Variants in DLGAP2 observed in about 807,000 individuals in gnomAD.
DLGAP2 encodes DLG associated protein 2, also known as disks large-associated protein 2.
DLGAP2 carries 26 observed loss-of-function variants against 100.3 expected under a neutral mutation model. The ratio of observed to expected loss-of-function variants is 0.26; its 90% CI spans 0.19 to 0.36. The LOEUF is 0.36. DLGAP2 is among the 10% of genes least tolerant of loss of function. DLGAP2 has a pLI of 1.00. For missense variants in DLGAP2, 1,858 were observed against 1,453.2 expected (o/e 1.28, Z -4.53); for synonymous variants, 886 against 630.1 (o/e 1.41, Z -6.08).
At chr8:1,237,521 C>T (rs1798689044) in intron 2 of DLGAP2, among the ~76,000 whole-genome samples, 4 of 142,068 alleles carry the variant, frequency 2.8e-5, no homozygotes, top group Admixed American at 2.1e-4. Flanking sequence ...TTGTTTCTCA[C>T]ACAGAGCATC....
intron 1 of DLGAP2, among the ~76,000 whole-genome samples, chr8:807,004 C>T (rs972936116): frequency 6.6e-6 from 1 of 152,190 alleles, no homozygotes. Context: ...GTGCTTTCAC[C>T]CTGAATCTCC....
intron 2 of DLGAP2, among the ~76,000 whole-genome samples, chr8:1,194,211 C>A (rs1173593165): frequency 6.6e-6 from 1 of 152,106 alleles, no homozygotes; most frequent in Non-Finnish European, 1.5e-5. Context: ...ACGCCTTGTT[C>A]TCAGCCCGAC....
rs1240696102 is a variant in DLGAP2 at position 871,285 on chromosome 8, T to TGG, written c.19-36627_19-36626insGG. Reference sequence around the variant, plus strand: ...ACACCTGAATTAATTGGCTGCACTATCTTCTGTCCAAACTGTTAGTTGAGT... The same window carrying TGG: ...ACACCTGAATTAATTGGCTGCACTATGGCTTCTGTCCAAACTGTTAGTTGAGT... On this transcript the variant is annotated intron_variant, in intron 1 of 14. Transcript: ENST00000637795. Among the ~76,000 whole-genome samples the TGG allele has an allele frequency of 2.0e-5, 3 of 152,252 alleles. No individual in the cohort carries two copies. In the East Asian group the frequency reaches 5.8e-4, roughly 29 times the overall value.
At chr8:1,226,421 G>C (rs1798416950) in intron 2 of DLGAP2, among the ~76,000 whole-genome samples, 1 of 152,132 alleles carries the variant, frequency 6.6e-6, no homozygotes, top group Non-Finnish European at 1.5e-5. Flanking sequence ...GCTGAACAAT[G>C]AGAAGGTATG....
intron 3 of DLGAP2, among the ~76,000 whole-genome samples, chr8:1,482,085 A>C (rs772004644): frequency 6.6e-6 from 1 of 152,232 alleles, no homozygotes; most frequent in African/African-American, 2.4e-5. Flanking sequence ...CAAGAAATGA[A>C]AGCATCCAAG....
intron 3 of DLGAP2, among the ~76,000 whole-genome samples, chr8:1,466,555 G>T (rs1246053076): frequency 2.0e-5 from 3 of 151,906 alleles, no homozygotes; most frequent in Non-Finnish European, 2.9e-5. Flanking sequence ...ATGTGTGTGT[G>T]TCTGGCCCAT....
At chr8:1,669,953 A>G (rs4876119) in intron 10 of DLGAP2, among the ~76,000 whole-genome samples, 169 bp downstream of exon 10, 64,061 of 152,080 alleles carry the variant, frequency 0.42, 16,001 homozygotes, top group African/African-American at 0.68. Context: ...GGGGCTCACC[A>G]GGGTCCCTAA....
intron 1 of DLGAP2, among the ~76,000 whole-genome samples, chr8:850,616 G>C (rs1216157092): frequency 7.2e-5 from 11 of 152,252 alleles, no homozygotes; most frequent in Non-Finnish European, 1.6e-4. Context: ...CCAATTAAAT[G>C]TTGGCATGCT....
intron 3 of DLGAP2, among the ~76,000 whole-genome samples, chr8:1,417,550 G>C (rs1796937703): frequency 6.7e-6 from 1 of 150,098 alleles, no homozygotes; most frequent in African/African-American, 2.5e-5. Context: ...ATGGGGATCC[G>C]AAGCCCAGAA....
intron 14 of DLGAP2, among the ~76,000 whole-genome samples, chr8:1,700,726 G>C (rs1017240627): frequency 3.3e-5 from 5 of 152,172 alleles, no homozygotes; most frequent in African/African-American, 9.7e-5. Context: ...ATTCACGTAA[G>C]ATGGTTTTCA....
At chr8:1,255,651 G>A (rs923136715) in intron 2 of DLGAP2, among the ~76,000 whole-genome samples, 63 of 139,588 alleles carry the variant, frequency 4.5e-4, no homozygotes, top group South Asian at 2.1e-3. Flanking sequence ...TCCTGCCCGG[G>A]CGCTGTGTGT....
At chr8:1,682,405 C>T (rs1031469574) in intron 12 of DLGAP2, among the ~76,000 whole-genome samples, 1 of 152,114 alleles carries the variant, frequency 6.6e-6, no homozygotes, top group African/African-American at 2.4e-5. Flanking sequence ...AAAAATACTA[C>T]ATACAAAATT....
chr8:1,295,415 C>A (rs543231220), intron 3 of DLGAP2, among the ~76,000 whole-genome samples: 1 of 152,324 alleles, frequency 6.6e-6, no homozygotes, highest in African/African-American at 2.4e-5. Context: ...CCCTGGGAAG[C>A]TTCTTCCGGC....
chr8:768,993 C>T (rs1363289891), intron 1 of DLGAP2, among the ~76,000 whole-genome samples: 3 of 152,058 alleles, frequency 2.0e-5, no homozygotes, highest in Non-Finnish European at 4.4e-5. Flanking sequence ...TCCCTCATGG[C>T]TGCAGCTTCC....
chr8:773,234 T>C (rs914033588), intron 1 of DLGAP2, among the ~76,000 whole-genome samples: 1 of 152,134 alleles, frequency 6.6e-6, no homozygotes, highest in African/African-American at 2.4e-5. Context: ...TTTCTCACAG[T>C]GTTTTCACAT....
chr8:1,283,882 C>A (rs77335790), intron 3 of DLGAP2, among the ~76,000 whole-genome samples: 2,615 of 152,220 alleles, frequency 0.017, 96 homozygotes, highest in African/African-American at 0.059. Context: ...CACACATAGC[C>A]CTTCAATGTG....
At chr8:1,701,143 CCCT>C (rs1315645646) in intron 14 of DLGAP2, 42 bp from the exon 15 acceptor site, 1 of 1,528,900 alleles carries the variant, frequency 6.5e-7, no homozygotes, top group South Asian at 1.2e-5. Flanking sequence ...GCTGCTGGGA[CCCT>C]CCTCCGAGCA....
intron 3 of DLGAP2, among the ~76,000 whole-genome samples, chr8:1,438,047 G>C (rs543780552): frequency 2.0e-5 from 3 of 152,102 alleles, no homozygotes; most frequent in South Asian, 2.1e-4. Flanking sequence ...GTTAAAATTT[G>C]GTATAGAGGA....
At chr8:975,163 G>C (rs1800131520) in intron 2 of DLGAP2, among the ~76,000 whole-genome samples, 2 of 152,206 alleles carry the variant, frequency 1.3e-5, no homozygotes, top group South Asian at 4.2e-4. Context: ...CAAGTTGTTT[G>C]AAAAACAAAC....
Sources: allele counts gnomAD v4.1 joint callset (sites outside exome capture counted in the v4.1 genomes callset), GRCh38; gene constraint gnomAD v4.1.1; transcripts MANE v1.5; gene names NCBI Gene and HGNC (gene_info 2026-07-23, HGNC 2026-07-21).